Variants in CLDN10 observed in about 807,000 individuals in gnomAD.
CLDN10 encodes the protein claudin-10.
In CLDN10, 15 loss-of-function variants were observed where a neutral mutation model predicts 22.9. The ratio of observed to expected loss-of-function variants is 0.65; its 90% CI spans 0.44 to 1.01. The LOEUF (loss-of-function observed/expected upper bound fraction) is 1.01, where lower values mean the gene tolerates loss of function less well. Ranked by LOEUF, CLDN10 falls within the 50% of genes least tolerant of loss-of-function variation. The probability of loss-of-function intolerance (pLI) is 0.00; values close to 1 mark genes in which losing one functional copy is unlikely to be tolerated. For synonymous variants in CLDN10, 114 were observed against 111.4 expected, an observed-to-expected ratio of 1.02 and a Z score of -0.15; for missense variants, 247 against 287.8, an observed-to-expected ratio of 0.86 and a Z score of 1.03.
At position 95,529,071 on chromosome 13, in the gene CLDN10, G is replaced by T. The variant is rs532439028; in HGVS notation, c.215-31061G>T. 1.5e-3 allele frequency among the ~76,000 whole-genome samples: 230 copies of T among 151,996 alleles called. 1 individual carries two copies. The highest frequency in any genetic ancestry group is 3.4e-3 in the Middle Eastern group (1 of 294). On this transcript the variant is annotated intron_variant, in intron 1 of 4. Transcript: ENST00000376873. Reference sequence around the variant, plus strand: ...TTGTTGTTGTTTTTAATGTAGAACTGGTGGGGTCAGTAAGATATTGCTGCC... The same window carrying T: ...TTGTTGTTGTTTTTAATGTAGAACTTGTGGGGTCAGTAAGATATTGCTGCC...
At chr13:95,534,132 C>G (rs1030705652) in intron 1 of CLDN10, among the ~76,000 whole-genome samples, 1 of 152,146 alleles carries the variant, frequency 6.6e-6, no homozygotes, top group Admixed American at 6.5e-5. Context: ...AGATTTTCAG[C>G]TCCATGAGAA....
chr13:95,486,476 T>G (rs2042804340), intron 1 of CLDN10, among the ~76,000 whole-genome samples: 1 of 139,770 alleles, frequency 7.2e-6, no homozygotes, highest in South Asian at 2.2e-4. Context: ...TGAGCCAAGA[T>G]CGCACCACTG....
chr13:95,491,606 C>G (rs1249924688), intron 1 of CLDN10, among the ~76,000 whole-genome samples: 1 of 152,072 alleles, frequency 6.6e-6, no homozygotes, highest in East Asian at 1.9e-4. Flanking sequence ...TTGGGCTTCT[C>G]CTTTCTCTGG....
chr13:95,469,564 C>T (rs1287092707), intron 1 of CLDN10, among the ~76,000 whole-genome samples: 1 of 152,188 alleles, frequency 6.6e-6, no homozygotes, highest in Non-Finnish European at 1.5e-5. Flanking sequence ...TAAGATCCAG[C>T]AGTGTCTAGC....
At chr13:95,541,777 C>T (rs115574295) in intron 1 of CLDN10, among the ~76,000 whole-genome samples, 1 of 152,194 alleles carries the variant, frequency 6.6e-6, no homozygotes, top group Non-Finnish European at 1.5e-5. Context: ...TATTTCCATA[C>T]ATTGCACCCA....
intron 1 of CLDN10, among the ~76,000 whole-genome samples, chr13:95,509,589 T>C (rs1309628030): frequency 1.3e-5 from 2 of 152,196 alleles, no homozygotes; most frequent in Non-Finnish European, 2.9e-5. Flanking sequence ...TAATTTTAGC[T>C]TCATAAAAAT....
At chr13:95,524,982 C>T (rs999969124) in intron 1 of CLDN10, among the ~76,000 whole-genome samples, 1 of 151,968 alleles carries the variant, frequency 6.6e-6, no homozygotes, top group African/African-American at 2.4e-5. Flanking sequence ...GCCTCGGCCT[C>T]CTGAGTAGCT....
chr13:95,542,013 G>A (rs1387729475), intron 1 of CLDN10, among the ~76,000 whole-genome samples: 2 of 152,232 alleles, frequency 1.3e-5, no homozygotes, highest in African/African-American at 4.8e-5. Context: ...GGCTTCTGGG[G>A]AGGCCTCAGG....
At chr13:95,500,722 G>C (rs1214893103) in intron 1 of CLDN10, among the ~76,000 whole-genome samples, 1 of 152,090 alleles carries the variant, frequency 6.6e-6, no homozygotes, top group East Asian at 1.9e-4. Flanking sequence ...GGTGGGTTGG[G>C]GCAAGCCTTT....
chr13:95,542,542 G>T (rs913233091), intron 1 of CLDN10, among the ~76,000 whole-genome samples: 1 of 152,156 alleles, frequency 6.6e-6, no homozygotes, highest in Non-Finnish European at 1.5e-5. Context: ...GAGAGTTAAA[G>T]GTCATAATCA....
chr13:95,486,323 G>A (rs935100063), intron 1 of CLDN10, among the ~76,000 whole-genome samples: 1 of 152,120 alleles, frequency 6.6e-6, no homozygotes, highest in Non-Finnish European at 1.5e-5. Context: ...AGGAGTTTGA[G>A]ACCAGCCTGG....
intron 1 of CLDN10, among the ~76,000 whole-genome samples, chr13:95,495,151 T>C (rs2042915022): frequency 6.6e-6 from 1 of 151,814 alleles, no homozygotes; most frequent in Non-Finnish European, 1.5e-5. Context: ...TGCTTCTGCC[T>C]CAACCTCCTG....
chr13:95,544,492 A>G (rs1387847638), intron 1 of CLDN10, among the ~76,000 whole-genome samples: 2 of 152,192 alleles, frequency 1.3e-5, no homozygotes, highest in African/African-American at 2.4e-5. Flanking sequence ...CATGACATCA[A>G]CTTTGTTCTT....
In CLDN10 at chr13:95,552,884, C is replaced by T. The variant is rs776695497; in HGVS notation, c.131C>T (p.Thr44Ile). Residue 44 changes from threonine (T) to isoleucine (I), a missense_variant, in exon 1 of 5, where the codon ACC becomes ATC. Thr to Ile is a moderately conservative substitution (Grantham distance 89). Transcript: ENST00000299339. ...GACGGCACGGTCATCACAACCGCCACCTATTGGGCCAACCTGTGGAAGGCG... is the reference window on the plus strand; with the variant it reads ...GACGGCACGGTCATCACAACCGCCATCTATTGGGCCAACCTGTGGAAGGCG... ...TIDGTVITTA[T>I]YWANLWKACV... The T allele has an allele frequency of 2.9e-5, 46 of 1,614,022 alleles. No individual in the cohort carries two copies. The highest frequency in any genetic ancestry group is 3.6e-5 in the Non-Finnish European group (43 of 1,180,010).
intron 1 of CLDN10, among the ~76,000 whole-genome samples, chr13:95,530,790 G>T (rs1404145081): frequency 6.6e-6 from 1 of 151,990 alleles, no homozygotes; most frequent in African/African-American, 2.4e-5. Context: ...AACAGTCAAA[G>T]AATTATTTTC....
In CLDN10 at chr13:95,457,264, T is replaced by TA. The variant is rs969708351; in HGVS notation, c.214+23226dup. Among the ~76,000 whole-genome samples the TA allele has an allele frequency of 5.3e-5, 8 of 151,832 alleles. No homozygotes were observed. The South Asian group carries it at 8.3e-4, about 16-fold the overall frequency. ...CCAGTTTTCAGCATTAATAAGTTACTAAAAAAAAATTGTTGAGTTAAATTA... is the reference window on the plus strand; with the variant it reads ...CCAGTTTTCAGCATTAATAAGTTACTAAAAAAAAAATTGTTGAGTTAAATTA... On this transcript the variant is annotated intron_variant, in intron 1 of 4. Transcript: ENST00000376873.
At chr13:95,494,764 T>C (rs1417796899) in intron 1 of CLDN10, among the ~76,000 whole-genome samples, 1 of 152,162 alleles carries the variant, frequency 6.6e-6, no homozygotes, top group East Asian at 1.9e-4. Context: ...CTTAGGATGG[T>C]AGATACGGAC....
At chr13:95,449,449 C>T (rs1421213381) in intron 1 of CLDN10, among the ~76,000 whole-genome samples, 1 of 152,090 alleles carries the variant, frequency 6.6e-6, no homozygotes, top group East Asian at 1.9e-4. Context: ...TGGGGTTTCA[C>T]CATGTTGGCC....
At chr13:95,497,918 T>C (rs1313879834) in intron 1 of CLDN10, among the ~76,000 whole-genome samples, 1 of 152,130 alleles carries the variant, frequency 6.6e-6, no homozygotes, top group East Asian at 1.9e-4. Context: ...CTTAAAGGTT[T>C]AGGACATTGA....
Sources: gnomAD v4.1 joint callset for allele counts (sites outside exome capture counted in the v4.1 genomes callset) on GRCh38, gnomAD v4.1.1 for gene constraint, MANE v1.5 for transcripts, NCBI Gene and HGNC (gene_info 2026-07-23, HGNC 2026-07-21) for gene names.